The following CCBE1 variants were observed in gnomAD, a reference collection of about 807,000 sequenced individuals.
The protein encoded by CCBE1 is collagen and calcium-binding EGF domain-containing protein 1.
A neutral mutation model predicts 50.0 loss-of-function variants in CCBE1; 37 were observed. The ratio of observed to expected loss-of-function variants is 0.74; its 90% CI spans 0.57 to 0.97. The LOEUF is 0.97. Ranked by LOEUF, CCBE1 falls within the 50% of genes least tolerant of loss-of-function variation. CCBE1 has a pLI of 0.00. For synonymous variants in CCBE1, 234 were observed against 203.7 expected, an observed-to-expected ratio of 1.15 and a Z score of -1.27; for missense variants, 538 against 523.8, an observed-to-expected ratio of 1.03 and a Z score of -0.26.
At chr18:59,599,796 G>A (rs1477176844) in intron 2 of CCBE1, among the ~76,000 whole-genome samples, 1 of 152,216 alleles carries the variant, frequency 6.6e-6, no homozygotes, top group African/African-American at 2.4e-5. Flanking sequence ...TAGAGTCAGA[G>A]ACCTGACAGG....
At chr18:59,548,278 A>C (rs568351119) in intron 2 of CCBE1, among the ~76,000 whole-genome samples, 1 of 152,346 alleles carries the variant, frequency 6.6e-6, no homozygotes, top group Non-Finnish European at 1.5e-5. Flanking sequence ...GCAGGTGGGA[A>C]CATTTGTACT....
intron 2 of CCBE1, among the ~76,000 whole-genome samples, chr18:59,677,400 A>G (rs1455833357): frequency 6.6e-6 from 1 of 152,174 alleles, no homozygotes; most frequent in African/African-American, 2.4e-5. Context: ...AGAAATCACC[A>G]TCTCTACTTG....
At chr18:59,483,557 G>T (rs1171684906) in intron 2 of CCBE1, among the ~76,000 whole-genome samples, 2 of 152,166 alleles carry the variant, frequency 1.3e-5, no homozygotes, top group African/African-American at 4.8e-5. Flanking sequence ...ATTCCTAGGA[G>T]AAACTTAAGT....
intron 2 of CCBE1, among the ~76,000 whole-genome samples, chr18:59,493,082 A>G (rs1913185822): frequency 6.6e-6 from 1 of 152,176 alleles, no homozygotes; most frequent in African/African-American, 2.4e-5. Context: ...TGTAAATACA[A>G]TTTGCTGATT....
rs75343939 is a variant in CCBE1, at chr18:59,638,286, A to G, written c.212+58343T>C. 9.8e-3 allele frequency among the ~76,000 whole-genome samples: 1,487 copies of G among 152,356 alleles called. 28 individuals are homozygous for G. The highest frequency in any genetic ancestry group is 0.037 in the East Asian group (192 of 5,192). On this transcript the variant is annotated intron_variant, in intron 2 of 10. Transcript: ENST00000439986. ...ACCAATAGAGAACTTTCACACGCAT[A>G]GAAACATGCTTGCAAATAAACTTTA... is the stretch of plus-strand genomic sequence containing the variant.
At chr18:59,643,728 G>A (rs2144651178) in intron 2 of CCBE1, among the ~76,000 whole-genome samples, 1 of 151,180 alleles carries the variant, frequency 6.6e-6, no homozygotes, top group Non-Finnish European at 1.5e-5. Flanking sequence ...GGCTGAGGCA[G>A]GAGAATCGTT....
intron 2 of CCBE1, among the ~76,000 whole-genome samples, chr18:59,537,018 T>G (rs1250649974): frequency 6.6e-6 from 1 of 151,988 alleles, no homozygotes; most frequent in Non-Finnish European, 1.5e-5. Flanking sequence ...ATGGATGTTT[T>G]TCATGTTTCT....
At chr18:59,476,867 G>C (rs1290153915) in intron 3 of CCBE1, among the ~76,000 whole-genome samples, 1 of 152,192 alleles carries the variant, frequency 6.6e-6, no homozygotes, top group Non-Finnish European at 1.5e-5. Context: ...ATATGGTATG[G>C]TTTGTCCCAT....
At chr18:59,478,259 C>T (rs975958985) in intron 3 of CCBE1, among the ~76,000 whole-genome samples, 1 of 152,206 alleles carries the variant, frequency 6.6e-6, no homozygotes, top group Admixed American at 6.5e-5. Context: ...CACTCAGTCT[C>T]AGTCTCTCCC....
At chr18:59,556,974 G>T (rs576839219) in intron 2 of CCBE1, among the ~76,000 whole-genome samples, 2 of 114,012 alleles carry the variant, frequency 1.8e-5, no homozygotes, top group African/African-American at 5.7e-5. Context: ...GCCACCAGGG[G>T]TATCTTGTGT....
chr18:59,629,778 G>T (rs1044432940), intron 2 of CCBE1, among the ~76,000 whole-genome samples: 2 of 152,162 alleles, frequency 1.3e-5, no homozygotes, highest in Non-Finnish European at 2.9e-5. Context: ...AGGCATATGT[G>T]CCTGGAGGTT....
At position 59,652,697 on chromosome 18, in the gene CCBE1, G is replaced by A. The variant is rs138433239; in HGVS notation, c.212+43932C>T. Among the ~76,000 whole-genome samples the A allele has an allele frequency of 4.3e-3, 662 of 152,324 alleles. 8 individuals carry two copies. The highest frequency in any genetic ancestry group is 0.015 in the African/African-American group (642 of 41,574). On this transcript the variant is annotated intron_variant, in intron 2 of 10. Transcript: ENST00000439986. ...AAAGGATTTTCGGCCGGGCGCAGTG[G>A]CTCCCGCCTGTAATCCCAGCACTTC...
At chr18:59,548,452 G>T (rs1218648963) in intron 2 of CCBE1, among the ~76,000 whole-genome samples, 3 of 152,184 alleles carry the variant, frequency 2.0e-5, no homozygotes, top group Non-Finnish European at 4.4e-5. Flanking sequence ...GGTGTGGCTA[G>T]GTCATCAGGA....
chr18:59,461,147 G>T (rs933992496), intron 5 of CCBE1, among the ~76,000 whole-genome samples: 3 of 151,940 alleles, frequency 2.0e-5, no homozygotes, highest in Non-Finnish European at 4.4e-5. Flanking sequence ...CCCGCTCATT[G>T]TTGCTCAGTT....
intron 2 of CCBE1, among the ~76,000 whole-genome samples, chr18:59,501,224 T>C (rs1913604786): frequency 6.6e-6 from 1 of 152,180 alleles, no homozygotes; most frequent in South Asian, 2.1e-4. Context: ...GGCTGGGACG[T>C]CAAGTCGATG....
At chr18:59,647,918 T>G (rs991814678) in intron 2 of CCBE1, among the ~76,000 whole-genome samples, 1 of 152,220 alleles carries the variant, frequency 6.6e-6, no homozygotes, top group Non-Finnish European at 1.5e-5. Context: ...AGTTATCTAC[T>G]AGATTATTCC....
intron 2 of CCBE1, among the ~76,000 whole-genome samples, chr18:59,530,375 T>C (rs917356895): frequency 1.3e-5 from 2 of 152,212 alleles, no homozygotes; most frequent in South Asian, 2.1e-4. Flanking sequence ...ATGCCACTTA[T>C]AATTCCTTTA....
intron 2 of CCBE1, among the ~76,000 whole-genome samples, chr18:59,529,099 G>A (rs747360799): frequency 3.3e-5 from 5 of 152,252 alleles, no homozygotes; most frequent in African/African-American, 7.2e-5. Context: ...CAAAGACCAC[G>A]GCTGTTCCTT....
In CCBE1 at chr18:59,435,908, C is replaced by T. The variant is rs1345853795; in HGVS notation, c.1221G>A (p.Ter407=). Residue 407 remains the stop codon, a stop_retained_variant, in exon 11 of 11, where the codon TAG becomes TAA. Coordinates refer to ENST00000439986, the MANE Select transcript of CCBE1 (RefSeq NM_133459.4). ...TTTGGCGTGACGGTGTTGGGATGTG[C>T]TATGGGTAGAAGTCTCTGGGGGCTC... The part of the protein sequence containing the change: ...DLRAPRDFYP[*] The T allele has an allele frequency of 6.2e-7, 1 of 1,613,206 alleles. No homozygotes were observed. The highest frequency in any genetic ancestry group is 1.1e-5 in the South Asian group (1 of 91,048).
Sources: gnomAD v4.1 joint callset for allele counts (sites outside exome capture counted in the v4.1 genomes callset) on GRCh38, gnomAD v4.1.1 for gene constraint, MANE v1.5 for transcripts, NCBI Gene and HGNC (gene_info 2026-07-23, HGNC 2026-07-21) for gene names.